Variants in SLC14A2 observed in about 807,000 individuals in gnomAD.
SLC14A2 encodes the protein urea transporter 2.
SLC14A2 carries 91 observed loss-of-function variants against 104.6 expected under a neutral mutation model. That is an observed-to-expected ratio of 0.87 (90% CI 0.73 to 1.04). SLC14A2 has a LOEUF of 1.04. SLC14A2 is among the 50% of genes least tolerant of loss of function. The probability of loss-of-function intolerance (pLI) is 0.00; values close to 1 mark genes in which losing one functional copy is unlikely to be tolerated. For synonymous variants in SLC14A2, 476 were observed against 466.4 expected, an observed-to-expected ratio of 1.02 and a Z score of -0.27; for missense variants, 1,189 against 1,156.0, an observed-to-expected ratio of 1.03 and a Z score of -0.41.
chr18:45,195,883 T>A, the SLC14A2 span, among the ~76,000 whole-genome samples: 1 of 152,092 alleles, frequency 6.6e-6, no homozygotes, highest in African/African-American at 2.4e-5. Flanking sequence ...AAGAAAAATA[T>A]GAGACAAATC....
intron 1 of SLC14A2, among the ~76,000 whole-genome samples, chr18:45,434,953 G>A (rs577718636): frequency 3.3e-5 from 5 of 152,142 alleles, no homozygotes; most frequent in African/African-American, 4.8e-5. Flanking sequence ...CCAATGGAAG[G>A]TTGCCTGTTT....
intron 14 of SLC14A2, 50 bp downstream of exon 14, chr18:45,668,072 C>T (rs530264461): frequency 6.6e-7 from 1 of 1,525,076 alleles, no homozygotes; most frequent in Admixed American, 1.7e-5. Flanking sequence ...AAGTCACTCC[C>T]CATGGGGACC....
intron 2 of SLC14A2, among the ~76,000 whole-genome samples, chr18:45,559,765 A>T (rs1385872795): frequency 6.6e-6 from 1 of 152,232 alleles, no homozygotes; most frequent in East Asian, 1.9e-4. Flanking sequence ...AGACTAGATT[A>T]CTAACATCCA....
At chr18:45,338,699 A>AAAC (rs2085362267) in intron 1 of SLC14A2, among the ~76,000 whole-genome samples, 1 of 149,458 alleles carries the variant, frequency 6.7e-6, no homozygotes, top group African/African-American at 2.5e-5. Flanking sequence ...AAAAAAAAAA[A>AAAC]AAAAAAAAAA....
chr18:45,477,729 G>A (rs955770818), intron 1 of SLC14A2, among the ~76,000 whole-genome samples: 1 of 152,214 alleles, frequency 6.6e-6, no homozygotes, highest in African/African-American at 2.4e-5. Flanking sequence ...CAGCTTTGTA[G>A]AGCTGCGGTG....
chr18:45,347,421 A>C (rs779048005), intron 1 of SLC14A2, among the ~76,000 whole-genome samples: 3 of 152,220 alleles, frequency 2.0e-5, no homozygotes, highest in Non-Finnish European at 4.4e-5. Context: ...TCATGTTCAT[A>C]GTATGAAGTA....
chr18:45,426,605 G>GTGTGTATATA (rs2086432072), intron 1 of SLC14A2, among the ~76,000 whole-genome samples: 3 of 143,896 alleles, frequency 2.1e-5, no homozygotes, highest in African/African-American at 5.2e-5. Context: ...ACACATATAT[G>GTGTGTATATA]TACTATATAT....
intron 2 of SLC14A2, among the ~76,000 whole-genome samples, chr18:45,525,766 T>A (rs888437): frequency 0.42 from 63,882 of 152,068 alleles, 15,261 homozygotes; most frequent in East Asian, 0.57. Flanking sequence ...CTGGGACCCA[T>A]GAACATACAA....
chr18:45,240,698 C>A (rs1019535483), intron 1 of SLC14A2, among the ~76,000 whole-genome samples: 3 of 149,562 alleles, frequency 2.0e-5, no homozygotes, highest in Non-Finnish European at 4.4e-5. Flanking sequence ...TGTTCTGTTG[C>A]CCAGGCTGGA....
At chr18:45,311,166 G>A (rs1202326226) in intron 1 of SLC14A2, among the ~76,000 whole-genome samples, 1 of 152,204 alleles carries the variant, frequency 6.6e-6, no homozygotes, top group Non-Finnish European at 1.5e-5. Flanking sequence ...AAATGAACAT[G>A]ATGAAAGAGT....
chr18:45,385,704 AATT>A (rs1202696150), intron 1 of SLC14A2, among the ~76,000 whole-genome samples: 1 of 152,180 alleles, frequency 6.6e-6, no homozygotes, highest in Non-Finnish European at 1.5e-5. Context: ...TCAGCTATAA[AATT>A]ATTATTGTAT....
intron 1 of SLC14A2, among the ~76,000 whole-genome samples, chr18:45,370,119 C>G (rs2085707268): frequency 6.6e-6 from 1 of 152,102 alleles, no homozygotes; most frequent in Non-Finnish European, 1.5e-5. Context: ...ATATTCTTTC[C>G]CCATATCAGA....
chr18:45,342,094 T>C (rs911268004), intron 1 of SLC14A2, among the ~76,000 whole-genome samples: 1 of 152,230 alleles, frequency 6.6e-6, no homozygotes, highest in African/African-American at 2.4e-5. Flanking sequence ...ATAAAAATAC[T>C]GTGACCAGAG....
intron 1 of SLC14A2, among the ~76,000 whole-genome samples, chr18:45,351,072 A>G (rs1039470026): frequency 7.9e-5 from 12 of 152,072 alleles, no homozygotes; most frequent in African/African-American, 2.7e-4. Flanking sequence ...CATTTTCTCT[A>G]TGTGTGTAAT....
At chr18:45,382,253 A>G (rs2085846528) in intron 1 of SLC14A2, among the ~76,000 whole-genome samples, 1 of 152,128 alleles carries the variant, frequency 6.6e-6, no homozygotes, top group Non-Finnish European at 1.5e-5. Flanking sequence ...AGGTGTGTTT[A>G]CCATACAAAT....
intron 1 of SLC14A2, among the ~76,000 whole-genome samples, chr18:45,431,566 A>C (rs2086515325): frequency 6.6e-6 from 1 of 152,220 alleles, no homozygotes; most frequent in South Asian, 2.1e-4. Context: ...CCTAGCAAAG[A>C]ATAGCACTTT....
intron 19 of SLC14A2, 97 bp from the exon 20 acceptor site, chr18:45,682,222 C>T (rs1215592350): frequency 9.7e-7 from 1 of 1,028,582 alleles, no homozygotes; most frequent in African/African-American, 1.6e-5. Context: ...TCAAAGCAGT[C>T]CCTCATGTCC....
At chr18:45,557,320 A>G (rs997388905) in intron 2 of SLC14A2, among the ~76,000 whole-genome samples, 2 of 152,226 alleles carry the variant, frequency 1.3e-5, no homozygotes, top group Non-Finnish European at 2.9e-5. Flanking sequence ...AGTCCCTGCC[A>G]TGCTGAGCTT....
rs1427603317 is a variant in SLC14A2, at chr18:45,375,678, C to CT, written c.-124-107555_-124-107554insT. Among the ~76,000 whole-genome samples the CT allele has an allele frequency of 3.9e-5, 6 of 152,286 alleles. No individual in the cohort carries two copies. In the East Asian group the frequency reaches 1.2e-3, roughly 29 times the overall value. On this transcript the variant is annotated intron_variant, in intron 1 of 20. Transcript: ENST00000586448. ...AATAAATCAGCTCTGTCTAAGCAGC[C>CT]GGCAAGGTGAACCCATTGGACAGTT...
Sources: gnomAD v4.1 joint callset for allele counts (sites outside exome capture counted in the v4.1 genomes callset) on GRCh38, gnomAD v4.1.1 for gene constraint, MANE v1.5 for transcripts, NCBI Gene and HGNC (gene_info 2026-07-23, HGNC 2026-07-21) for gene names.